ATXN3: variants seen among roughly 807,000 people sequenced by gnomAD.
ATXN3 encodes the protein ataxin 3.
In ATXN3, 28 loss-of-function variants were observed where a neutral mutation model predicts 58.2. That is an observed-to-expected ratio of 0.48 (90% confidence interval 0.36 to 0.66). ATXN3 has a LOEUF of 0.66. Ranked by LOEUF, ATXN3 falls within the 30% of genes least tolerant of loss-of-function variation. The probability of loss-of-function intolerance (pLI) is 0.00; values close to 1 mark genes in which losing one functional copy is unlikely to be tolerated. For synonymous variants in ATXN3, 113 were observed against 138.5 expected, an observed-to-expected ratio of 0.82 and a Z score of 1.29; for missense variants, 321 against 422.1, an observed-to-expected ratio of 0.76 and a Z score of 2.10.
rs928738600 is a variant in ATXN3 at position 92,070,741 on chromosome 14, T to C, written c.991+194A>G. ...GATTACAGATGTGAGCCACCACATC[T>C]AGCTTTTTTTTTTTTTTTTCTTTTG... On this transcript the variant is annotated intron_variant, in intron 10 of 10. Coordinates refer to ENST00000644486, the MANE Select transcript of ATXN3 (RefSeq NM_004993.6). 3.0e-6 allele frequency: 4 copies of C among 1,351,974 alleles called. No homozygotes were observed. The East Asian group carries it at 7.6e-5, about 26-fold the overall frequency. The allele number at this position is 1,351,974 out of a possible 1,614,324, so 83.7% of individuals were successfully genotyped here. A position where few individuals can be genotyped will look rare whatever the true frequency, so the allele number is the denominator to read the frequency against.
At chr14:92,103,281 A>T (rs55852837) in intron 1 of ATXN3, among the ~76,000 whole-genome samples, 1,669 of 149,982 alleles carry the variant, frequency 0.011, 43 homozygotes, top group South Asian at 0.046. Flanking sequence ...ACATTTTTAC[A>T]TGGTTGGGAA....
intron 10 of ATXN3, among the ~76,000 whole-genome samples, chr14:92,065,382 G>T (rs2058201372): frequency 6.6e-6 from 1 of 152,170 alleles, no homozygotes. Flanking sequence ...TCCAGTTTTT[G>T]ATTATGACAA....
At chr14:92,051,144 A>G (rs2057446444), upstream of ATXN3, among the ~76,000 whole-genome samples, 4 of 152,194 alleles carry the variant, frequency 2.6e-5, no homozygotes, top group South Asian at 8.3e-4. Flanking sequence ...TGGGCTTTCA[A>G]TATGATGATA....
At chr14:92,093,142 C>G in intron 5 of ATXN3, 110 bp downstream of exon 5, 1 of 625,362 alleles carries the variant, frequency 1.6e-6, no homozygotes, top group Non-Finnish European at 2.7e-6. Context: ...GTGATCCCCC[C>G]ACCTCAGCCT....
chr14:92,096,277 C>T (rs2065217480), intron 2 of ATXN3, 140 bp from the exon 3 acceptor site: 1 of 1,554,020 alleles, frequency 6.4e-7, no homozygotes, highest in Admixed American at 1.9e-5. Context: ...ATTCACCAGT[C>T]AGATCCCTAT....
intron 7 of ATXN3, among the ~76,000 whole-genome samples, 178 bp from the exon 8 acceptor site, chr14:92,082,644 C>T (rs79357803): frequency 0.012 from 1,715 of 144,294 alleles, 38 homozygotes; most frequent in African/African-American, 0.042. Flanking sequence ...TTTTTTTTTC[C>T]GTTTCTTTTT....
At chr14:92,102,036 C>T (rs576640996) in intron 1 of ATXN3, among the ~76,000 whole-genome samples, 2 of 151,846 alleles carry the variant, frequency 1.3e-5, no homozygotes, top group Non-Finnish European at 2.9e-5. Context: ...GCCTATAGTC[C>T]CAGCTACTCG....
chr14:92,067,841 G>A (rs2058714937), intron 10 of ATXN3, among the ~76,000 whole-genome samples: 2 of 152,206 alleles, frequency 1.3e-5, no homozygotes, highest in Admixed American at 1.3e-4. Context: ...ACAACCAGAG[G>A]GGAGTGAAAG....
chr14:92,065,411 T>C (rs2058209029), intron 10 of ATXN3, among the ~76,000 whole-genome samples: 1 of 152,204 alleles, frequency 6.6e-6, no homozygotes, highest in Non-Finnish European at 1.5e-5. Flanking sequence ...GCTATAAACA[T>C]TCATGTACAT....
upstream of ATXN3, among the ~76,000 whole-genome samples, chr14:92,052,006 C>T (rs890030925): frequency 6.6e-6 from 1 of 151,448 alleles, no homozygotes; most frequent in African/African-American, 2.4e-5. Context: ...ATTATGTGAG[C>T]CACCGCACCC....
chr14:92,098,606 A>C (rs1418102948), intron 1 of ATXN3, among the ~76,000 whole-genome samples: 1 of 152,090 alleles, frequency 6.6e-6, no homozygotes, highest in Non-Finnish European at 1.5e-5. Context: ...AAAATAAAAA[A>C]ATCTCCACAC....
At chr14:92,067,709 A>G (rs552688213) in intron 10 of ATXN3, among the ~76,000 whole-genome samples, 4 of 152,310 alleles carry the variant, frequency 2.6e-5, no homozygotes, top group South Asian at 2.1e-4. Context: ...GTGATTTTCA[A>G]TTAAATCCTG....
Position 92,094,046 on chromosome 14 carries a change from C to A in ATXN3, c.235-215G>T, listed in dbSNP as rs534904175. On this transcript the variant is annotated intron_variant, in intron 3 of 10. Coordinates refer to ENST00000644486, the MANE Select transcript of ATXN3 (RefSeq NM_004993.6). ...GCAACCTCCGCCTCCCAGGTTCAAG[C>A]GATTCTCCTCCTGAGGCTCCCGAGT... 6.5e-3 allele frequency among the ~76,000 whole-genome samples: 976 copies of A among 150,882 alleles called. 13 individuals carry two copies. Among genetic ancestry groups the A allele is most frequent in the African/African-American group, 0.023 (930 of 41,034 alleles).
At chr14:92,079,162 G>A (rs192766993) in intron 9 of ATXN3, among the ~76,000 whole-genome samples, 1 of 145,046 alleles carries the variant, frequency 6.9e-6, no homozygotes, top group East Asian at 2.0e-4. Context: ...CTCCAGCCTG[G>A]GCAACAGAGC....
At position 92,061,591 on chromosome 14, in the gene ATXN3, T is replaced by C. The variant is rs2057782287; in HGVS notation, c.*2729A>G. The stretch of plus-strand genomic sequence containing the variant: ...ATACCAATAGTTTAAATATTAAACA[T>C]TAAGATGTTCCCAATTAGTAAAACA... On this transcript the variant is annotated 3_prime_UTR_variant, in exon 11 of 11. Coordinates refer to ENST00000644486, the MANE Select transcript of ATXN3 (RefSeq NM_004993.6). 1 of 152,240 alleles carries C rather than the reference T, an allele frequency of 6.6e-6. No individual in the cohort carries two copies. The highest frequency in any genetic ancestry group is 6.5e-5 in the Admixed American group (1 of 15,282). 9.4% of individuals were successfully genotyped at this position (152,240 alleles called of 1,614,324 possible).
intron 6 of ATXN3, among the ~76,000 whole-genome samples, chr14:92,087,581 G>C (rs1389492780): frequency 6.6e-6 from 1 of 152,206 alleles, no homozygotes. Flanking sequence ...CCAAGATGTG[G>C]TTTAACCAGG....
rs199813282 is a variant in ATXN3 at position 92,096,851 on chromosome 14, A to T, written c.25-13T>A. The T allele has an allele frequency of 2.4e-4, 388 of 1,611,130 alleles. No individual in the cohort carries two copies. Among genetic ancestry groups the T allele is most frequent in the Non-Finnish European group, 3.0e-4 (353 of 1,177,754 alleles). On this transcript the variant is annotated splice_polypyrimidine_tract_variant and intron_variant, in intron 1 of 10. Coordinates refer to ENST00000644486, the MANE Select transcript of ATXN3 (RefSeq NM_004993.6). ...GTGAGCCTTCTTGCTAATATTTCCA[A>T]AAGAAAAAATTAAAATGTGACTTGT... is the stretch of plus-strand genomic sequence containing the variant.
At chr14:92,054,204 G>A (rs1445086948), downstream of ATXN3, among the ~76,000 whole-genome samples, 2 of 152,170 alleles carry the variant, frequency 1.3e-5, no homozygotes, top group Admixed American at 6.5e-5. Flanking sequence ...AAAGTGCTGG[G>A]ATTACAGGCA....
In ATXN3 at chr14:92,076,939, C is replaced by CAAAAAA. The variant is rs1157708694; in HGVS notation, c.872+4020_872+4025dup. ...TGGGTGACAGAGTGAGATTTCGTCT[C>CAAAAAA]AAAAAAAAAAAAAAAAAAAAGTCTG... On this transcript the variant is annotated intron_variant, in intron 9 of 10. Coordinates refer to ENST00000644486, the MANE Select transcript of ATXN3 (RefSeq NM_004993.6). Among the ~76,000 whole-genome samples, 40 of 59,812 alleles carry CAAAAAA rather than the reference C, an allele frequency of 6.7e-4. 2 individuals carry two copies. The highest frequency in any genetic ancestry group is 1.7e-3 in the African/African-American group (27 of 15,940). The allele number at this position is 59,812 out of a possible 152,430, so 39.2% of individuals were successfully genotyped here.
Sources: gnomAD v4.1 joint callset for allele counts (sites outside exome capture counted in the v4.1 genomes callset) on GRCh38, gnomAD v4.1.1 for gene constraint, MANE v1.5 for transcripts, NCBI Gene and HGNC (gene_info 2026-07-23, HGNC 2026-07-21) for gene names.